TCF7L2: variants seen among roughly 807,000 people sequenced by gnomAD.
TCF7L2 encodes the protein transcription factor 7-like 2.
A neutral mutation model predicts 77.9 loss-of-function variants in TCF7L2; 23 were observed. That is an observed-to-expected ratio of 0.30 (90% confidence interval 0.21 to 0.42). The LOEUF (loss-of-function observed/expected upper bound fraction) is 0.42. Ranked by LOEUF, TCF7L2 falls within the 10% of genes least tolerant of loss-of-function variation. The probability of loss-of-function intolerance (pLI) is 1.00; values close to 1 mark genes in which losing one functional copy is unlikely to be tolerated. For synonymous variants in TCF7L2, 413 were observed against 340.2 expected (o/e 1.21, Z -2.36); for missense variants, 654 against 793.1 (o/e 0.82, Z 2.11).
At chr10:113,146,208 G>A (rs1045221081) in intron 8 of TCF7L2, 111 bp downstream of exon 8, 1 of 1,000,688 alleles carries the variant, frequency 1.0e-6, no homozygotes, top group Non-Finnish European at 1.6e-6. Flanking sequence ...AGTTCTATTA[G>A]TGTAAAGCCA....
At chr10:113,018,202 A>G (rs2047664234) in intron 4 of TCF7L2, among the ~76,000 whole-genome samples, 1 of 152,222 alleles carries the variant, frequency 6.6e-6, no homozygotes. Context: ...CAGTGCCTGC[A>G]CATAACATAG....
At chr10:113,067,004 G>T (rs1378003051) in intron 5 of TCF7L2, among the ~76,000 whole-genome samples, 1 of 152,210 alleles carries the variant, frequency 6.6e-6, no homozygotes, top group Admixed American at 6.5e-5. Context: ...TTAATATACT[G>T]CTGTTCTTGT....
At chr10:113,006,827 G>A (rs1046605846) in intron 4 of TCF7L2, among the ~76,000 whole-genome samples, 2 of 152,212 alleles carry the variant, frequency 1.3e-5, no homozygotes, top group African/African-American at 4.8e-5. Context: ...GCTGCTGCTG[G>A]AAGTCCTGTG....
At chr10:113,013,990 T>A (rs148351992) in intron 4 of TCF7L2, among the ~76,000 whole-genome samples, 24 of 152,300 alleles carry the variant, frequency 1.6e-4, no homozygotes, top group Admixed American at 1.3e-3. Flanking sequence ...AAAATTTTTA[T>A]GTTGGGGGGT....
chr10:112,950,615 C>G lies in TCF7L2; in HGVS notation c.-142C>G. 3 of 903,826 alleles carry G rather than the reference C, an allele frequency of 3.3e-6. No individual in the cohort carries two copies. The highest frequency in any genetic ancestry group is 4.9e-6 in the Non-Finnish European group (3 of 612,060). The allele number at this position is 903,826 out of a possible 1,614,324, so 56.0% of individuals were successfully genotyped here. On this transcript the variant is annotated 5_prime_UTR_variant, in exon 1 of 14. Transcript: ENST00000627217. ...CCCCTCCCCAGGAGAAAAAGACCCC[C>G]AAGCAGAAAAAAGTTCACCTTGGAC...
At chr10:112,978,789 A>AT (rs1406399639) in intron 4 of TCF7L2, among the ~76,000 whole-genome samples, 1 of 151,690 alleles carries the variant, frequency 6.6e-6, no homozygotes, top group Non-Finnish European at 1.5e-5. Flanking sequence ...AGATTTTGTG[A>AT]TTTTTATATA....
At chr10:113,062,728 G>A (rs952810102) in intron 5 of TCF7L2, among the ~76,000 whole-genome samples, 8 of 152,140 alleles carry the variant, frequency 5.3e-5, no homozygotes, top group African/African-American at 1.7e-4. Context: ...TTTAATATAA[G>A]CTGGAGAAGG....
At chr10:112,965,230 G>T (rs775833371) in intron 4 of TCF7L2, among the ~76,000 whole-genome samples, 3 of 152,210 alleles carry the variant, frequency 2.0e-5, no homozygotes, top group Non-Finnish European at 4.4e-5. Context: ...ACAGATCCCA[G>T]CTTCTGATGA....
intron 3 of TCF7L2, among the ~76,000 whole-genome samples, chr10:112,959,907 A>G (rs1026097383): frequency 1.3e-5 from 2 of 152,192 alleles, no homozygotes; most frequent in African/African-American, 2.4e-5. Flanking sequence ...TTAGATTTCA[A>G]GTGGCTCATG....
chr10:112,960,364 C>T, intron 3 of TCF7L2, among the ~76,000 whole-genome samples: 1 of 152,092 alleles, frequency 6.6e-6, no homozygotes, highest in East Asian at 1.9e-4. Flanking sequence ...ATTTTGCAAG[C>T]CTGTGCTGAG....
intron 5 of TCF7L2, chr10:113,129,707 A>G: frequency 1.1e-5 from 13 of 1,199,828 alleles, no homozygotes; most frequent in Non-Finnish European, 1.3e-5. Context: ...GCTTTTTTTC[A>G]GTTCTTTAAG....
chr10:112,995,545 A>G (rs1054264782), intron 4 of TCF7L2, among the ~76,000 whole-genome samples: 3 of 152,138 alleles, frequency 2.0e-5, no homozygotes, highest in Admixed American at 1.3e-4. Flanking sequence ...GCAGAGTATC[A>G]CTGTGACTTC....
chr10:113,006,159 C>T lies in TCF7L2; in HGVS notation c.451-33866C>T, dbSNP rs572402343. 1.3e-4 allele frequency among the ~76,000 whole-genome samples: 20 copies of T among 152,222 alleles called. No homozygotes were observed. In the South Asian group the frequency reaches 3.7e-3, roughly 28 times the overall value. ...GAAATAAAATGGAACTTGGGAGAGG[C>T]GGCAACTTGGGAAACAGCACATTCT... On this transcript the variant is annotated intron_variant, in intron 4 of 13. Transcript: ENST00000627217.
At chr10:113,146,906 A>C (rs1407795442) in intron 8 of TCF7L2, among the ~76,000 whole-genome samples, 1 of 151,692 alleles carries the variant, frequency 6.6e-6, no homozygotes, top group Non-Finnish European at 1.5e-5. Flanking sequence ...AAAGTTAAAA[A>C]AAAACATGTG....
chr10:113,115,371 C>T (rs570827068), intron 5 of TCF7L2, among the ~76,000 whole-genome samples: 1 of 152,308 alleles, frequency 6.6e-6, no homozygotes, highest in East Asian at 1.9e-4. Context: ...TTTCTTTTCA[C>T]ATCCTTGAGG....
In TCF7L2 at chr10:112,951,435, C is replaced by T. The variant is rs201349450; in HGVS notation, c.257-48C>T. 2.6e-5 allele frequency: 35 copies of T among 1,365,168 alleles called. No homozygotes were observed. In the African/African-American group the frequency reaches 4.9e-4, roughly 19 times the overall value. The allele number at this position is 1,365,168 out of a possible 1,614,324, so 84.6% of individuals were successfully genotyped here. A position where few individuals can be genotyped will look rare whatever the true frequency, so the allele number is the denominator to read the frequency against. On this transcript the variant is annotated intron_variant, in intron 2 of 13. Transcript: ENST00000627217. ...TCTAAAAAGTTTCTCCTCACTCTCT[C>T]CCGCTCCGCGCGGCCGCCGCTGTCC...
chr10:113,155,961 G>A (rs2071780633), intron 11 of TCF7L2, among the ~76,000 whole-genome samples: 1 of 152,150 alleles, frequency 6.6e-6, no homozygotes, highest in Admixed American at 6.5e-5. Context: ...CCAAAACAAA[G>A]CTCCCAAGTT....
intron 7 of TCF7L2, among the ~76,000 whole-genome samples, chr10:113,145,183 T>C (rs2069129028): frequency 6.6e-6 from 1 of 151,982 alleles, no homozygotes; most frequent in Non-Finnish European, 1.5e-5. Flanking sequence ...ACCCTGGGTA[T>C]AGTTTCTGTT....
intron 5 of TCF7L2, among the ~76,000 whole-genome samples, chr10:113,048,779 C>T (rs779739422): frequency 1.3e-5 from 2 of 152,152 alleles, no homozygotes; most frequent in Non-Finnish European, 2.9e-5. Context: ...ATGTCTGTTT[C>T]TGAGGAATCC....
Sources: allele counts gnomAD v4.1 joint callset (sites outside exome capture counted in the v4.1 genomes callset), GRCh38; gene constraint gnomAD v4.1.1; transcripts MANE v1.5; gene names NCBI Gene and HGNC (gene_info 2026-07-23, HGNC 2026-07-21).